VPS13B: variants seen among roughly 807,000 people sequenced by gnomAD.
The protein encoded by VPS13B is intermembrane lipid transfer protein VPS13B.
Under a neutral mutation model 426.4 loss-of-function variants are expected in VPS13B, and 285 were observed. The observed-to-expected ratio is 0.67, with a 90% CI of 0.61 to 0.74. VPS13B has a LOEUF of 0.74. Ranked by LOEUF, VPS13B falls within the 30% of genes least tolerant of loss-of-function variation. The pLI is 0.00. For synonymous variants in VPS13B, 1,676 were observed against 1,676.4 expected (o/e 1.00, Z 0.01); for missense variants, 4,537 against 4,782.6 (o/e 0.95, Z 1.51).
At chr8:99,033,541 T>G (rs1324955997) in intron 2 of VPS13B, among the ~76,000 whole-genome samples, 3 of 152,326 alleles carry the variant, frequency 2.0e-5, no homozygotes, top group African/African-American at 7.2e-5. Flanking sequence ...TTTTGTAATT[T>G]GTTTTTATTG....
intron 15 of VPS13B, among the ~76,000 whole-genome samples, chr8:99,165,881 A>G (rs143206950): frequency 6.6e-6 from 1 of 152,378 alleles, no homozygotes; most frequent in African/African-American, 2.4e-5. Context: ...GAACTTAAAT[A>G]ACAAGAGAGA....
At chr8:99,828,843 C>A (rs1252790857) in intron 51 of VPS13B, among the ~76,000 whole-genome samples, 1 of 152,074 alleles carries the variant, frequency 6.6e-6, no homozygotes, top group Admixed American at 6.6e-5. Context: ...GATTTTATTT[C>A]TTCTTCACTT....
At chr8:99,235,439 A>G (rs555135574) in intron 17 of VPS13B, among the ~76,000 whole-genome samples, 1 of 152,300 alleles carries the variant, frequency 6.6e-6, no homozygotes, top group Non-Finnish European at 1.5e-5. Context: ...TTTTAACAAT[A>G]TGGAAAGTAG....
At chr8:99,188,999 A>T (rs1050402917) in intron 16 of VPS13B, among the ~76,000 whole-genome samples, 3 of 152,184 alleles carry the variant, frequency 2.0e-5, no homozygotes, top group African/African-American at 4.8e-5. Context: ...TCCCGGGTTC[A>T]CACCATTCTC....
Position 99,520,073 on chromosome 8 carries a change from A to T in VPS13B, c.4634-826A>T, listed in dbSNP as rs549126630. 4.6e-5 allele frequency among the ~76,000 whole-genome samples: 7 copies of T among 152,298 alleles called. No homozygotes were observed. The East Asian group carries it at 1.4e-3, about 29-fold the overall frequency. On this transcript the variant is annotated intron_variant, in intron 29 of 61. Transcript: ENST00000357162. ...AAGTGCTGAACTTCAGCCCTAAATG[A>T]GAGCATACAGTCAAATATCATTTTA...
At chr8:99,523,906 G>A (rs935305393) in intron 30 of VPS13B, among the ~76,000 whole-genome samples, 1 of 151,894 alleles carries the variant, frequency 6.6e-6, no homozygotes, top group African/African-American at 2.4e-5. Flanking sequence ...AAGGCACCAG[G>A]GACCAATCCT....
intron 35 of VPS13B, among the ~76,000 whole-genome samples, chr8:99,663,551 A>C (rs191540876): frequency 2.0e-5 from 3 of 152,328 alleles, no homozygotes; most frequent in Admixed American, 2.0e-4. Context: ...TTGTAAAAAA[A>C]CATTCTATAT....
At chr8:99,732,537 A>G (rs1028084501) in intron 39 of VPS13B, among the ~76,000 whole-genome samples, 1 of 152,204 alleles carries the variant, frequency 6.6e-6, no homozygotes, top group Non-Finnish European at 1.5e-5. Flanking sequence ...TTTGCAGAGG[A>G]AGAAAGAAAG....
At chr8:99,430,378 C>T (rs550443783) in intron 21 of VPS13B, among the ~76,000 whole-genome samples, 1 of 152,114 alleles carries the variant, frequency 6.6e-6, no homozygotes, top group South Asian at 2.1e-4. Context: ...TTATTTAGGT[C>T]TGATTTATTT....
intron 39 of VPS13B, among the ~76,000 whole-genome samples, chr8:99,753,801 C>G (rs141246044): frequency 1.5e-4 from 23 of 152,248 alleles, no homozygotes; most frequent in African/African-American, 5.3e-4. Context: ...AAAATAAAAT[C>G]TGGACTTAGA....
intron 16 of VPS13B, among the ~76,000 whole-genome samples, chr8:99,192,636 TG>T (rs1290724573): frequency 6.6e-6 from 1 of 152,228 alleles, no homozygotes; most frequent in Non-Finnish European, 1.5e-5. Flanking sequence ...GAGCAGTATA[TG>T]TGTAGGTGAA....
chr8:99,770,948 A>G (rs1292951774), intron 40 of VPS13B, among the ~76,000 whole-genome samples: 1 of 152,178 alleles, frequency 6.6e-6, no homozygotes, highest in African/African-American at 2.4e-5. Flanking sequence ...GGGAAAAGGA[A>G]TCATGAGCCC....
chr8:99,249,806 T>G (rs1043919436), intron 17 of VPS13B, among the ~76,000 whole-genome samples: 2 of 152,172 alleles, frequency 1.3e-5, no homozygotes, highest in Non-Finnish European at 2.9e-5. Context: ...TTTGGGAAGC[T>G]AAGGTGGGAT....
chr8:99,875,334 A>T, intron 61 of VPS13B, 84 bp from the exon 62 acceptor site: 1 of 1,586,878 alleles, frequency 6.3e-7, no homozygotes, highest in Non-Finnish European at 8.6e-7. Flanking sequence ...ATAATGTACA[A>T]ATATATCGAG....
chr8:99,779,663 G>A (rs1811917330), intron 42 of VPS13B, among the ~76,000 whole-genome samples: 1 of 152,168 alleles, frequency 6.6e-6, no homozygotes, highest in East Asian at 1.9e-4. Flanking sequence ...GTAAGTCTAT[G>A]ATAAGTGGCA....
chr8:99,350,264 T>A (rs1298125038), intron 19 of VPS13B, among the ~76,000 whole-genome samples: 1 of 152,156 alleles, frequency 6.6e-6, no homozygotes, highest in Non-Finnish European at 1.5e-5. Flanking sequence ...GTGGCCACAA[T>A]CTGTGGAGAC....
At chr8:99,047,925 G>A (rs180991016) in intron 3 of VPS13B, among the ~76,000 whole-genome samples, 71 of 152,168 alleles carry the variant, frequency 4.7e-4, no homozygotes, top group African/African-American at 1.6e-3. Flanking sequence ...TGACCTCAGT[G>A]TATCCACCCA....
chr8:99,115,253 G>T (rs1448040617), intron 6 of VPS13B, among the ~76,000 whole-genome samples: 1 of 151,804 alleles, frequency 6.6e-6, no homozygotes, highest in Non-Finnish European at 1.5e-5. Flanking sequence ...ATTCTTTATG[G>T]TTAATAAACC....
intron 22 of VPS13B, among the ~76,000 whole-genome samples, chr8:99,431,994 C>A (rs1293533589): frequency 1.3e-5 from 2 of 151,886 alleles, no homozygotes; most frequent in Non-Finnish European, 2.9e-5. Flanking sequence ...TATCTCAGAA[C>A]TGAGATAAAG....
Sources: gnomAD v4.1 joint callset for allele counts (sites outside exome capture counted in the v4.1 genomes callset) on GRCh38, gnomAD v4.1.1 for gene constraint, MANE v1.5 for transcripts, NCBI Gene and HGNC (gene_info 2026-07-23, HGNC 2026-07-21) for gene names.